INPP5D: variants seen among roughly 807,000 people sequenced by gnomAD.
The protein encoded by INPP5D is phosphatidylinositol 3,4,5-trisphosphate 5-phosphatase 1.
Under a neutral mutation model 122.9 loss-of-function variants are expected in INPP5D, and 33 were observed. That is an observed-to-expected ratio of 0.27 (90% confidence interval 0.20 to 0.36). INPP5D has a LOEUF of 0.36. Ranked by LOEUF, INPP5D falls within the 10% of genes least tolerant of loss-of-function variation. INPP5D has a pLI of 1.00. For synonymous variants in INPP5D, 584 were observed against 576.2 expected, an observed-to-expected ratio of 1.01 and a Z score of -0.19; for missense variants, 1,053 against 1,412.7, an observed-to-expected ratio of 0.75 and a Z score of 4.08.
Position 233,163,790 on chromosome 2 carries a change from A to T in INPP5D, c.1324A>T (p.Ile442Phe). The change falls in exon 12 of 27, where the codon ATC becomes TTC. Residue 442 changes from isoleucine to phenylalanine, a missense_variant. Ile to Phe is a conservative substitution (Grantham distance 21). Coordinates refer to ENST00000445964, the MANE Select transcript of INPP5D (RefSeq NM_001017915.3). ...GKTRDDSADYIPHDIYVIGTQ... is the reference protein window; with the variant it reads ...GKTRDDSADYFPHDIYVIGTQ... ...GACGCGGGACGACTCTGCGGACTAC[A>T]TCCCCCATGACATTTACGTGATCGG... The T allele has an allele frequency of 1.2e-6, 2 of 1,613,906 alleles. No homozygotes were observed. Among genetic ancestry groups the T allele is most frequent in the Non-Finnish European group, 1.7e-6 (2 of 1,179,878 alleles).
chr2:233,097,432 T>C lies in INPP5D; in HGVS notation c.198+18034T>C, dbSNP rs1337624572. Among the ~76,000 whole-genome samples, 3 of 152,262 alleles carry C rather than the reference T, an allele frequency of 2.0e-5. No homozygotes were observed. The East Asian group carries it at 5.8e-4, about 29-fold the overall frequency. ...TAGGTTAATTTATAAATAACTTATG[T>C]TCTTATAACATCAAGTCCTTCAATT... is the stretch of plus-strand genomic sequence containing the variant. On this transcript the variant is annotated intron_variant, in intron 2 of 26. Transcript: ENST00000445964.
At chr2:233,166,750 C>T (rs550207518) in intron 13 of INPP5D, among the ~76,000 whole-genome samples, 19 of 152,272 alleles carry the variant, frequency 1.2e-4, no homozygotes, top group Non-Finnish European at 7.4e-5. Flanking sequence ...TTTGGAAGGC[C>T]GAGGCCGGTG....
At chr2:233,094,541 A>AAAAAAAAAT (rs1692081928) in intron 2 of INPP5D, among the ~76,000 whole-genome samples, 1 of 146,350 alleles carries the variant, frequency 6.8e-6, no homozygotes, top group Non-Finnish European at 1.5e-5. Flanking sequence ...AAAAAAAAAA[A>AAAAAAAAAT]ATTCTAAAAT....
Position 233,105,405 on chromosome 2 carries a change from G to T in INPP5D, c.199-16702G>T, listed in dbSNP as rs1029966259. ...CTGAAGTAGGAGCATCTCAGCTGCA[G>T]AGTAGCTTCTTTGGTGAATCCTTCC... On this transcript the variant is annotated intron_variant, in intron 2 of 26. Transcript: ENST00000445964. The surrounding 1 kb of genome is among the most constrained non-coding windows in gnomAD (Gnocchi z 4.0). Among the ~76,000 whole-genome samples, 2 of 152,232 alleles carry T rather than the reference G, an allele frequency of 1.3e-5. No homozygotes were observed. Among genetic ancestry groups the T allele is most frequent in the Admixed American group, 6.5e-5 (1 of 15,284 alleles).
intron 2 of INPP5D, among the ~76,000 whole-genome samples, chr2:233,120,917 TAAAATAA>T (rs1197326136): frequency 1.4e-5 from 2 of 141,394 alleles, no homozygotes; most frequent in African/African-American, 6.4e-5. Context: ...ATGAAAAAAA[TAAAATAA>T]AAATAAAAGC....
At chr2:233,079,102 C>G (rs571748032) in intron 1 of INPP5D, among the ~76,000 whole-genome samples, 1 of 152,254 alleles carries the variant, frequency 6.6e-6, no homozygotes, top group African/African-American at 2.4e-5. Context: ...ATGACCCCCC[C>G]CAACCTTTTC....
intron 13 of INPP5D, among the ~76,000 whole-genome samples, chr2:233,165,337 C>T (rs1211085453): frequency 6.6e-6 from 1 of 151,150 alleles, no homozygotes; most frequent in Non-Finnish European, 1.5e-5. Flanking sequence ...GTGTACCACC[C>T]ATATCTATGT....
intron 5 of INPP5D, among the ~76,000 whole-genome samples, chr2:233,138,265 C>A (rs1275062104): frequency 2.1e-5 from 3 of 145,432 alleles, no homozygotes; most frequent in African/African-American, 7.6e-5. Context: ...CAGGATCACG[C>A]CACTGCACTC....
At chr2:233,064,299 G>T (rs1436277023) in intron 1 of INPP5D, among the ~76,000 whole-genome samples, 2 of 152,234 alleles carry the variant, frequency 1.3e-5, no homozygotes, top group Admixed American at 6.5e-5. Flanking sequence ...TCAGAACCCA[G>T]TGCCTGGTCT....
chr2:233,089,859 G>C (rs1691945634), intron 2 of INPP5D, among the ~76,000 whole-genome samples: 1 of 152,236 alleles, frequency 6.6e-6, no homozygotes, highest in South Asian at 2.1e-4. Flanking sequence ...TCTTGAGGGA[G>C]AAGCGTCTCA....
intron 9 of INPP5D, among the ~76,000 whole-genome samples, chr2:233,155,104 A>G (rs1287638965): frequency 6.6e-6 from 1 of 152,166 alleles, no homozygotes; most frequent in Non-Finnish European, 1.5e-5. Context: ...ACAGTAAGAG[A>G]ATAAAATGAA....
At chr2:233,109,188 G>C (rs4078396) in intron 2 of INPP5D, among the ~76,000 whole-genome samples, 60,269 of 152,160 alleles carry the variant, frequency 0.4, 16,581 homozygotes, top group African/African-American at 0.79. Flanking sequence ...CCAATGCACA[G>C]TGCCCATCCA....
intron 5 of INPP5D, among the ~76,000 whole-genome samples, chr2:233,132,944 CG>C (rs1449632804): frequency 1.3e-5 from 2 of 148,350 alleles, no homozygotes; most frequent in Admixed American, 6.8e-5. Context: ...GCTGGAGTGC[CG>C]TGGTGAGATC....
At chr2:233,186,928 G>A (rs998285333) in intron 21 of INPP5D, among the ~76,000 whole-genome samples, 1 of 151,264 alleles carries the variant, frequency 6.6e-6, no homozygotes, top group African/African-American at 2.4e-5. Context: ...CCTCATGTTG[G>A]CCACGCTGGT....
chr2:233,182,152 C>T (rs1261149448), intron 18 of INPP5D, among the ~76,000 whole-genome samples: 2 of 152,156 alleles, frequency 1.3e-5, no homozygotes, highest in Non-Finnish European at 2.9e-5. Flanking sequence ...CCATGGTTCA[C>T]ACTCCCTAAT....
chr2:233,180,458 C>T (rs751807640), intron 18 of INPP5D, among the ~76,000 whole-genome samples: 35 of 152,182 alleles, frequency 2.3e-4, no homozygotes, highest in Non-Finnish European at 4.4e-4. Flanking sequence ...CTCAGCCTGA[C>T]TCCCCACCTC....
intron 13 of INPP5D, among the ~76,000 whole-genome samples, chr2:233,168,330 A>G (rs909104267): frequency 6.6e-6 from 1 of 152,260 alleles, no homozygotes; most frequent in African/African-American, 2.4e-5. Context: ...CTCATTTTGT[A>G]CCAGCCACAT....
At chr2:233,080,160 C>G (rs79795989) in intron 2 of INPP5D, among the ~76,000 whole-genome samples, 1 of 152,072 alleles carries the variant, frequency 6.6e-6, no homozygotes, top group African/African-American at 2.4e-5. Context: ...AAACTCCTGA[C>G]AGCGAATGAT....
At position 233,197,938 on chromosome 2, in the gene INPP5D, A is replaced by G. The variant is rs1184697426; in HGVS notation, c.2694-157A>G. 2.6e-5 allele frequency among the ~76,000 whole-genome samples: 4 copies of G among 152,004 alleles called. No homozygotes were observed. The highest frequency in any genetic ancestry group is 9.7e-5 in the African/African-American group (4 of 41,352). On this transcript the variant is annotated intron_variant, in intron 24 of 26. Transcript: ENST00000445964. This position sits in a 1 kb window ranked among gnomAD's most constrained non-coding sequence, Gnocchi z 4.4. ...CCTCAGTAATCACGGTGTTGCATGGATAGATGAATGAATGAATGGATCACT... is the reference window on the plus strand; with the variant it reads ...CCTCAGTAATCACGGTGTTGCATGGGTAGATGAATGAATGAATGGATCACT...
Sources: gnomAD v4.1 joint callset for allele counts (sites outside exome capture counted in the v4.1 genomes callset) on GRCh38, gnomAD v4.1.1 for gene constraint, Gnocchi (gnomAD v3.1) non-coding constraint, MANE v1.5 for transcripts, NCBI Gene and HGNC (gene_info 2026-07-23, HGNC 2026-07-21) for gene names.